Variants in NICOL1 observed in about 807,000 individuals in gnomAD.
The protein encoded by NICOL1 is NELL2 interacting cell ontogeny regulator 1.
the NICOL1 span, among the ~76,000 whole-genome samples, chr4:2,038,281 AT>A: frequency 7.4e-5 from 10 of 135,160 alleles, no homozygotes; most frequent in Admixed American, 2.3e-4. Context: ...ATATATATAT[AT>A]ATAAAATTAA....
the NICOL1 span, among the ~76,000 whole-genome samples, chr4:2,037,113 C>T: frequency 6.6e-6 from 1 of 152,160 alleles, no homozygotes. Flanking sequence ...GCACTTCCCC[C>T]TTTGCTGTCT....
At chr4:2,041,193 G>A in the NICOL1 span, among the ~76,000 whole-genome samples, 1 of 151,796 alleles carries the variant, frequency 6.6e-6, no homozygotes, top group Non-Finnish European at 1.5e-5. Context: ...CGCCTGGGGC[G>A]CCTTCTGAGG....
the NICOL1 span, among the ~76,000 whole-genome samples, chr4:2,040,548 G>A: frequency 6.6e-6 from 1 of 152,264 alleles, no homozygotes. Flanking sequence ...ACAGCGCGGG[G>A]CTACCCCTCT....
At chr4:2,036,767 G>A in the NICOL1 span, among the ~76,000 whole-genome samples, 1 of 152,138 alleles carries the variant, frequency 6.6e-6, no homozygotes, top group African/African-American at 2.4e-5. Context: ...TGTTTGGCTG[G>A]TTGATGAGAA....
At chr4:2,038,199 A>C in the NICOL1 span, among the ~76,000 whole-genome samples, 1 of 131,830 alleles carries the variant, frequency 7.6e-6, no homozygotes, top group African/African-American at 2.9e-5. Context: ...TGTTTAAATT[A>C]TTTGACATGT....
At chr4:2,037,563 G>A in the NICOL1 span, among the ~76,000 whole-genome samples, 1 of 152,036 alleles carries the variant, frequency 6.6e-6, no homozygotes, top group Non-Finnish European at 1.5e-5. Flanking sequence ...TTCTTCATAT[G>A]AAAAAATAAA....
chr4:2,042,149 C>T, the NICOL1 span: 38,532 of 1,356,298 alleles, frequency 0.028, 916 homozygotes, highest in African/African-American at 0.13. Context: ...GCCCGGAGAC[C>T]GGCGGACTGG....
the NICOL1 span, chr4:2,042,338 T>C: frequency 1.8e-6 from 1 of 547,832 alleles, no homozygotes; most frequent in South Asian, 3.0e-5. Flanking sequence ...GCGGCCCCGC[T>C]CCCTCTGCTG....
At chr4:2,041,924 G>T in the NICOL1 span, 1 of 1,412,492 alleles carries the variant, frequency 7.1e-7, no homozygotes. Context: ...TAAACCCGCG[G>T]CCAGCGCAGT....
At chr4:2,041,985 G>T in the NICOL1 span, 3 of 1,466,568 alleles carry the variant, frequency 2.0e-6, no homozygotes, top group Non-Finnish European at 2.7e-6. Context: ...GCGGGGTCGG[G>T]TCGGAGCGCA....
chr4:2,041,716 C>G, the NICOL1 span: 1 of 424,644 alleles, frequency 2.4e-6, no homozygotes, highest in South Asian at 4.6e-5. Context: ...CGCTCCTGAC[C>G]TGCTGAGCTC....
chr4:2,039,335 A>T, the NICOL1 span, among the ~76,000 whole-genome samples: 1 of 151,356 alleles, frequency 6.6e-6, no homozygotes, highest in East Asian at 1.9e-4. Flanking sequence ...AATCGCTTGA[A>T]CCCAGGAGGC....
chr4:2,043,546 C>A, the NICOL1 span, among the ~76,000 whole-genome samples: 2 of 152,188 alleles, frequency 1.3e-5, no homozygotes, highest in Non-Finnish European at 2.9e-5. Flanking sequence ...GAGCAGCCCC[C>A]ACCTATCCTT....
the NICOL1 span, among the ~76,000 whole-genome samples, chr4:2,040,427 G>A: frequency 1.3e-5 from 2 of 152,308 alleles, no homozygotes; most frequent in East Asian, 1.9e-4. Context: ...GGGCAGGGGT[G>A]ATAGGAGCAG....
the NICOL1 span, chr4:2,042,398 C>T: frequency 4.0e-5 from 20 of 503,918 alleles, no homozygotes; most frequent in South Asian, 8.7e-5. Flanking sequence ...CCGCCGCCGC[C>T]GCCGCTGCTG....
chr4:2,042,211 T>C, the NICOL1 span: 47 of 809,632 alleles, frequency 5.8e-5, no homozygotes, highest in Non-Finnish European at 7.0e-5. Context: ...GGTGGGTGGG[T>C]CCAGGGCTCC....
chr4:2,041,150 T>TGGGGGGGG, the NICOL1 span, among the ~76,000 whole-genome samples: 6 of 65,594 alleles, frequency 9.1e-5, no homozygotes, highest in Non-Finnish European at 2.0e-4. Context: ...CTGGGTGGGG[T>TGGGGGGGG]GGGGGGGGAG....
At chr4:2,042,098 G>C in the NICOL1 span, 1 of 1,485,116 alleles carries the variant, frequency 6.7e-7, no homozygotes, top group Non-Finnish European at 8.9e-7. Context: ...CGTCCGAATG[G>C]GCGTTTTCTA....
the NICOL1 span, among the ~76,000 whole-genome samples, chr4:2,040,624 G>C: frequency 4.1e-3 from 625 of 152,308 alleles, 3 homozygotes; most frequent in African/African-American, 0.014. Flanking sequence ...GAGTGGAGAA[G>C]AGCGCGGAAG....
Sources: allele counts gnomAD v4.1 joint callset (sites outside exome capture counted in the v4.1 genomes callset), GRCh38; gene constraint gnomAD v4.1.1; transcripts MANE v1.5; gene names NCBI Gene and HGNC (gene_info 2026-07-23, HGNC 2026-07-21).